The following CREB5 variants were observed in gnomAD, a reference collection of about 807,000 sequenced individuals.
CREB5 encodes cAMP responsive element binding protein 5.
A neutral mutation model predicts 57.1 loss-of-function variants in CREB5; 19 were observed. The ratio of observed to expected loss-of-function variants is 0.33; its 90% CI spans 0.23 to 0.49. The LOEUF is 0.49. Ranked by LOEUF, CREB5 falls within the 20% of genes least tolerant of loss-of-function variation. The probability of loss-of-function intolerance (pLI) is 0.99; values close to 1 mark genes in which losing one functional copy is unlikely to be tolerated. For synonymous variants in CREB5, 238 were observed against 238.3 expected (o/e 1.00, Z 0.01); for missense variants, 579 against 671.6 (o/e 0.86, Z 1.52).
At chr7:28,469,722 A>G (rs969429536) in intron 1 of CREB5, among the ~76,000 whole-genome samples, 1 of 152,200 alleles carries the variant, frequency 6.6e-6, no homozygotes, top group South Asian at 2.1e-4. Flanking sequence ...ACTGTTCTCA[A>G]TTGTTTACAG....
At chr7:28,637,108 C>T (rs191273719) in intron 5 of CREB5, among the ~76,000 whole-genome samples, 9 of 152,022 alleles carry the variant, frequency 5.9e-5, no homozygotes, top group East Asian at 1.9e-4. Flanking sequence ...GAGCCATGAT[C>T]GTGCCACTGT....
At chr7:28,706,403 T>C (rs989840972) in intron 5 of CREB5, among the ~76,000 whole-genome samples, 1 of 151,928 alleles carries the variant, frequency 6.6e-6, no homozygotes, top group African/African-American at 2.4e-5. Flanking sequence ...AGGATGTAGG[T>C]ATCTGTGGGT....
chr7:28,423,162 G>T (rs1257038295), intron 1 of CREB5, among the ~76,000 whole-genome samples: 1 of 152,108 alleles, frequency 6.6e-6, no homozygotes, highest in African/African-American at 2.4e-5. Flanking sequence ...AACCAAGTGT[G>T]CTCTTTGTTA....
At position 28,816,055 on chromosome 7, in the gene CREB5, G is replaced by GCACACA. The variant is rs34917973; in HGVS notation, c.1255-1991_1255-1986dup. ...ATTTCCTTCTGAAGCAAATATATAC[G>GCACACA]CACACACACACACACACACACACAC... On this transcript the variant is annotated intron_variant, in intron 9 of 10. Transcript: ENST00000357727. Among the ~76,000 whole-genome samples, 931 of 145,314 alleles carry GCACACA rather than the reference G, an allele frequency of 6.4e-3. 2 individuals are homozygous for GCACACA. The highest frequency in any genetic ancestry group is 0.021 in the Middle Eastern group (6 of 288).
intron 1 of CREB5, among the ~76,000 whole-genome samples, chr7:28,478,230 A>G (rs1434659087): frequency 1.3e-5 from 2 of 152,182 alleles, no homozygotes; most frequent in African/African-American, 2.4e-5. Context: ...AGAGTTTTGT[A>G]GTTGCTTCCT....
At chr7:28,582,698 A>G (rs1796164587) in intron 5 of CREB5, among the ~76,000 whole-genome samples, 1 of 152,192 alleles carries the variant, frequency 6.6e-6, no homozygotes, top group South Asian at 2.1e-4. Flanking sequence ...AAATGAAAAG[A>G]ACTTACAAAT....
At chr7:28,809,097 C>A in intron 8 of CREB5, 90 bp from the exon 9 acceptor site, 1 of 1,196,476 alleles carries the variant, frequency 8.4e-7, no homozygotes, top group Non-Finnish European at 1.2e-6. Context: ...ACTTTCTGTG[C>A]TTTGCTTTTT....
intron 8 of CREB5, among the ~76,000 whole-genome samples, chr7:28,808,503 G>A (rs1215292857): frequency 6.6e-6 from 1 of 152,124 alleles, no homozygotes; most frequent in East Asian, 1.9e-4. Flanking sequence ...TTTTCACCCT[G>A]TAGCCATACA....
At chr7:28,623,668 CTT>C (rs1214853170) in intron 5 of CREB5, among the ~76,000 whole-genome samples, 1 of 152,144 alleles carries the variant, frequency 6.6e-6, no homozygotes, top group African/African-American at 2.4e-5. Context: ...CAGTGAGGAA[CTT>C]TCTTTCCATT....
intron 1 of CREB5, among the ~76,000 whole-genome samples, chr7:28,464,598 T>A (rs1790485432): frequency 6.6e-6 from 1 of 151,668 alleles, no homozygotes; most frequent in South Asian, 2.1e-4. Flanking sequence ...TTTTCTTGAG[T>A]CATTTTTGGT....
chr7:28,600,340 G>A (rs952427393), intron 5 of CREB5, among the ~76,000 whole-genome samples: 1 of 150,460 alleles, frequency 6.6e-6, no homozygotes, highest in Admixed American at 6.7e-5. Flanking sequence ...ACTCGCAGGC[G>A]CAAGACCTAA....
chr7:28,792,566 G>A (rs775061442), intron 7 of CREB5, among the ~76,000 whole-genome samples: 1 of 152,276 alleles, frequency 6.6e-6, no homozygotes, highest in South Asian at 2.1e-4. Flanking sequence ...CTTCTTAAGC[G>A]TAACTTTCTA....
chr7:28,507,797 C>T (rs1792545172), intron 4 of CREB5, 60 bp downstream of exon 4: 2 of 1,543,958 alleles, frequency 1.3e-6, no homozygotes, highest in African/African-American at 1.4e-5. Context: ...CACGAGGAAA[C>T]TAGGTGGCAC....
At chr7:28,429,348 C>T (rs1788626990) in intron 1 of CREB5, among the ~76,000 whole-genome samples, 1 of 152,162 alleles carries the variant, frequency 6.6e-6, no homozygotes, top group African/African-American at 2.4e-5. Context: ...AATCCACATT[C>T]CGACCAGAAT....
rs530357449 is a variant in CREB5 at position 28,394,651 on chromosome 7, G to A, written c.-25+95210G>A. On this transcript the variant is annotated intron_variant, in intron 1 of 9. Coordinates refer to the CREB5 transcript ENST00000396299. ...CATATATAATTTATGTTAAAAGAGG[G>A]TCCCCCACCTTTTCACATTCAGCAC... is the stretch of plus-strand genomic sequence containing the variant. 2.0e-5 allele frequency among the ~76,000 whole-genome samples: 3 copies of A among 152,092 alleles called. No homozygotes were observed. The East Asian group carries it at 5.8e-4, about 29-fold the overall frequency.
chr7:28,395,474 C>T (rs1041040678), intron 1 of CREB5, among the ~76,000 whole-genome samples: 1 of 152,210 alleles, frequency 6.6e-6, no homozygotes, highest in African/African-American at 2.4e-5. Context: ...CAATTTCCTT[C>T]ACGATACAGC....
chr7:28,703,911 A>G (rs1370982990), intron 5 of CREB5, among the ~76,000 whole-genome samples: 1 of 152,200 alleles, frequency 6.6e-6, no homozygotes, highest in Non-Finnish European at 1.5e-5. Context: ...CATCACAGGC[A>G]CCATGGACTG....
At chr7:28,624,998 ATTT>A (rs10603623) in intron 5 of CREB5, among the ~76,000 whole-genome samples, 2,840 of 138,358 alleles carry the variant, frequency 0.021, 92 homozygotes, top group African/African-American at 0.071. Flanking sequence ...ACCATGTTGG[ATTT>A]TTTTTTTTTT....
intron 4 of CREB5, among the ~76,000 whole-genome samples, chr7:28,547,742 A>G (rs1478763578): frequency 6.6e-6 from 1 of 152,230 alleles, no homozygotes; most frequent in Admixed American, 6.5e-5. Context: ...TTACAATTAT[A>G]TGAAGGCAGG....
Sources: gnomAD v4.1 joint callset for allele counts (sites outside exome capture counted in the v4.1 genomes callset) on GRCh38, gnomAD v4.1.1 for gene constraint, MANE v1.5 for transcripts, NCBI Gene and HGNC (gene_info 2026-07-23, HGNC 2026-07-21) for gene names.